Variants in ZMYND11 observed in about 807,000 individuals in gnomAD.
The protein encoded by ZMYND11 is zinc finger MYND-type containing 11.
ZMYND11 carries 9 observed loss-of-function variants against 84.9 expected under a neutral mutation model. The ratio of observed to expected loss-of-function variants is 0.11; its 90% CI spans 0.06 to 0.18. The LOEUF is 0.18. Among genes scored for constraint, ZMYND11 ranks in the 10% least tolerant of loss-of-function variants. The probability of loss-of-function intolerance (pLI) is 1.00; values close to 1 mark genes in which losing one functional copy is unlikely to be tolerated. For synonymous variants in ZMYND11, 250 were observed against 244.1 expected, an observed-to-expected ratio of 1.02 and a Z score of -0.23; for missense variants, 409 against 761.0, an observed-to-expected ratio of 0.54 and a Z score of 5.44.
chr10:192,912 G>A (rs577191338), intron 2 of ZMYND11, among the ~76,000 whole-genome samples: 4 of 152,086 alleles, frequency 2.6e-5, no homozygotes, highest in Admixed American at 1.3e-4. Context: ...TTTACACGGG[G>A]TGCTCTTTAT....
intron 1 of ZMYND11, among the ~76,000 whole-genome samples, chr10:151,082 A>G (rs547204144): frequency 1.3e-5 from 2 of 152,330 alleles, no homozygotes; most frequent in East Asian, 3.9e-4. Context: ...ACCATCATCA[A>G]AGACCAAAGG....
At chr10:241,535 C>T (rs1367228254) in intron 9 of ZMYND11, among the ~76,000 whole-genome samples, 1 of 152,220 alleles carries the variant, frequency 6.6e-6, no homozygotes, top group African/African-American at 2.4e-5. Context: ...CACAAGAGAC[C>T]TAAGGCTTTG....
rs1947069656 is a variant in ZMYND11, at chr10:221,079, T to C, written c.277-116T>C. The C allele has an allele frequency of 4.4e-6, 4 of 912,242 alleles. No homozygotes were observed. The East Asian group carries it at 7.4e-5, about 17-fold the overall frequency. 56.5% of individuals were successfully genotyped at this position (912,242 alleles called of 1,614,324 possible). ...TTCCCTCTTGTTTTAACACAGTAAA[T>C]GTCTTTAAATTGTTTATGATGCCTA... On this transcript the variant is annotated intron_variant, in intron 3 of 14. Coordinates refer to ENST00000381604, the MANE Select transcript of ZMYND11 (RefSeq NM_001370100.5).
At chr10:196,695 AG>A (rs1336751856) in intron 2 of ZMYND11, among the ~76,000 whole-genome samples, 1 of 152,246 alleles carries the variant, frequency 6.6e-6, no homozygotes, top group African/African-American at 2.4e-5. Flanking sequence ...AATATTAAAA[AG>A]GAAAGTATAA....
chr10:250,577 T>C (rs1048066116), intron 14 of ZMYND11, among the ~76,000 whole-genome samples: 3 of 152,226 alleles, frequency 2.0e-5, no homozygotes, highest in Admixed American at 1.3e-4. Flanking sequence ...ATTATAATAC[T>C]GTCTTTTGTA....
At chr10:143,364 A>G (rs1298144941) in intron 1 of ZMYND11, among the ~76,000 whole-genome samples, 2 of 152,172 alleles carry the variant, frequency 1.3e-5, no homozygotes, top group Non-Finnish European at 2.9e-5. Flanking sequence ...TCTCTTGTAG[A>G]TTCTTGATTT....
chr10:177,163 T>C (rs778322365), intron 1 of ZMYND11, among the ~76,000 whole-genome samples: 1 of 152,200 alleles, frequency 6.6e-6, no homozygotes, highest in Admixed American at 6.5e-5. Context: ...ATATGAATTA[T>C]ATGTTAAATG....
intron 1 of ZMYND11, among the ~76,000 whole-genome samples, chr10:142,777 A>G (rs545429735): frequency 6.6e-6 from 1 of 152,356 alleles, no homozygotes; most frequent in South Asian, 2.1e-4. Flanking sequence ...CAGGAGTATT[A>G]GGAAACTCTG....
intron 4 of ZMYND11, among the ~76,000 whole-genome samples, chr10:225,033 GAAA>G: frequency 6.6e-6 from 1 of 151,512 alleles, no homozygotes; most frequent in Non-Finnish European, 1.5e-5. Flanking sequence ...ACTCTTTTGT[GAAA>G]ATTGCTTTTA....
At chr10:184,675 T>C (rs1004291242) in intron 2 of ZMYND11, among the ~76,000 whole-genome samples, 1 of 152,218 alleles carries the variant, frequency 6.6e-6, no homozygotes, top group African/African-American at 2.4e-5. Flanking sequence ...TTCTGGCACA[T>C]TTCTGACCAT....
upstream of ZMYND11, chr10:135,294 T>G (rs1370112859): frequency 2.0e-5 from 3 of 150,904 alleles, no homozygotes; most frequent in Non-Finnish European, 4.4e-5. The surrounding 1 kb of genome is among the most constrained non-coding windows in gnomAD (Gnocchi z 5.6). Flanking sequence ...GACCGCGGCG[T>G]TCTCTGAGGT....
chr10:201,525 ACT>A (rs756987186), intron 2 of ZMYND11, among the ~76,000 whole-genome samples: 33 of 151,376 alleles, frequency 2.2e-4, no homozygotes, highest in Admixed American at 2.0e-4. Flanking sequence ...GGAAATTATG[ACT>A]CATGAGATTT....
At chr10:198,323 G>C (rs1172956794) in intron 2 of ZMYND11, among the ~76,000 whole-genome samples, 1 of 151,858 alleles carries the variant, frequency 6.6e-6, no homozygotes, top group South Asian at 2.1e-4. Flanking sequence ...AAATAATAGA[G>C]ATCAAAATCT....
At chr10:162,154 G>T (rs141894613) in intron 1 of ZMYND11, among the ~76,000 whole-genome samples, 3 of 152,144 alleles carry the variant, frequency 2.0e-5, no homozygotes, top group Non-Finnish European at 1.5e-5. Context: ...AAGGAGGCTC[G>T]AGCAGAGGGA....
chr10:161,895 T>C (rs1159593642), intron 1 of ZMYND11, among the ~76,000 whole-genome samples: 2 of 152,256 alleles, frequency 1.3e-5, no homozygotes, highest in Non-Finnish European at 2.9e-5. Flanking sequence ...TTCTTATTCA[T>C]GTGTTCACTG....
At chr10:236,062 A>G (rs183069368) in intron 4 of ZMYND11, among the ~76,000 whole-genome samples, 1 of 152,220 alleles carries the variant, frequency 6.6e-6, no homozygotes, top group South Asian at 2.1e-4. Context: ...AAGTTAAAGC[A>G]TCTATTAAAA....
rs575208479 is a variant in ZMYND11, at chr10:227,465, C to G, written c.438+6109C>G. 5.3e-5 allele frequency among the ~76,000 whole-genome samples: 8 copies of G among 152,218 alleles called. No homozygotes were observed. The South Asian group carries it at 1.7e-3, about 32-fold the overall frequency. On this transcript the variant is annotated intron_variant, in intron 4 of 14. Transcript: ENST00000381604. ...TGGAGCTTTATCAATTGGGTACAGA[C>G]TGGCATGTCAGTGTTGACTTAGGTC... is the stretch of plus-strand genomic sequence containing the variant.
chr10:251,467 A>C (rs1479058393), intron 14 of ZMYND11, among the ~76,000 whole-genome samples: 1 of 152,186 alleles, frequency 6.6e-6, no homozygotes, highest in Non-Finnish European at 1.5e-5. Context: ...AATGTAGGCT[A>C]GTCTCCCTGG....
At position 160,005 on chromosome 10, in the gene ZMYND11, C is replaced by A. The variant is rs1017646698; in HGVS notation, c.-19-19989C>A. 4.6e-5 allele frequency among the ~76,000 whole-genome samples: 7 copies of A among 152,090 alleles called. No individual in the cohort carries two copies. In the South Asian group the frequency reaches 1.5e-3, roughly 32 times the overall value. ...TCTTATGTAATTGCATTGGTAAATACCCCCAAAGCAGTATTGAGTAAGAAG... is the reference window on the plus strand; with the variant it reads ...TCTTATGTAATTGCATTGGTAAATAACCCCAAAGCAGTATTGAGTAAGAAG... On this transcript the variant is annotated intron_variant, in intron 1 of 14. Transcript: ENST00000381604.
Sources: allele counts gnomAD v4.1 joint callset (sites outside exome capture counted in the v4.1 genomes callset), GRCh38; gene constraint gnomAD v4.1.1; non-coding constraint Gnocchi (gnomAD v3.1); transcripts MANE v1.5; gene names NCBI Gene and HGNC (gene_info 2026-07-23, HGNC 2026-07-21).